The following FGF2 variants were observed in gnomAD, a reference collection of about 807,000 sequenced individuals.
FGF2 encodes basic fibroblast growth factor bFGF.
In FGF2, 13 loss-of-function variants were observed where a neutral mutation model predicts 15.9. That is an observed-to-expected ratio of 0.82 (90% CI 0.53 to 1.30). The LOEUF (loss-of-function observed/expected upper bound fraction) is 1.30, where lower values mean the gene tolerates loss of function less well. FGF2 is among the 50% of genes most tolerant of loss of function. FGF2 has a pLI of 0.00. For missense variants in FGF2, 163 were observed against 196.9 expected, an observed-to-expected ratio of 0.83 and a Z score of 1.03; for synonymous variants, 90 against 78.4, an observed-to-expected ratio of 1.15 and a Z score of -0.78.
At chr4:122,877,161 G>C (rs1726870061) in intron 2 of FGF2, among the ~76,000 whole-genome samples, 1 of 151,178 alleles carries the variant, frequency 6.6e-6, no homozygotes, top group Admixed American at 6.6e-5. Flanking sequence ...GCAGACTGGA[G>C]TGCAGTGGCG....
rs574255088 is a variant in FGF2, at chr4:122,836,978, A to C, written c.178+9626A>C. On this transcript the variant is annotated intron_variant, in intron 1 of 2. Transcript: ENST00000644866. ...TTAAGGAACGCAGACCTGGGAATTC[A>C]TACCTGATTCAGACACTTCAATCCT... 1.4e-3 allele frequency among the ~76,000 whole-genome samples: 218 copies of C among 152,344 alleles called. 1 individual carries two copies. The highest frequency in any genetic ancestry group is 8.3e-3 in the South Asian group (40 of 4,830).
chr4:122,853,003 A>G (rs1232522636), intron 1 of FGF2, among the ~76,000 whole-genome samples: 1 of 152,156 alleles, frequency 6.6e-6, no homozygotes, highest in African/African-American at 2.4e-5. Context: ...CACCATTTAT[A>G]TAACTATTTT....
At chr4:122,866,755 A>G (rs565163078) in intron 1 of FGF2, among the ~76,000 whole-genome samples, 82 of 152,374 alleles carry the variant, frequency 5.4e-4, no homozygotes, top group Non-Finnish European at 1.0e-3. Flanking sequence ...GTAAAGTTGC[A>G]TTGGAAAACA....
chr4:122,836,499 T>C (rs1725868918), intron 1 of FGF2, among the ~76,000 whole-genome samples: 1 of 152,224 alleles, frequency 6.6e-6, no homozygotes. Flanking sequence ...ATTTTAATTT[T>C]ATGTCCCCCA....
intron 1 of FGF2, among the ~76,000 whole-genome samples, chr4:122,861,668 G>A (rs1437666787): frequency 6.6e-6 from 1 of 151,904 alleles, no homozygotes; most frequent in East Asian, 1.9e-4. Context: ...ATTCTTTCAT[G>A]CTATTACACA....
chr4:122,873,179 T>C (rs980834413), intron 1 of FGF2, among the ~76,000 whole-genome samples: 2 of 152,250 alleles, frequency 1.3e-5, no homozygotes, highest in Non-Finnish European at 2.9e-5. Context: ...GCTCTTGAAC[T>C]GTACTCCTGG....
intron 1 of FGF2, among the ~76,000 whole-genome samples, chr4:122,849,740 A>T (rs1057351685): frequency 2.6e-5 from 4 of 152,168 alleles, no homozygotes; most frequent in African/African-American, 9.7e-5. Context: ...GTAGGAGGGA[A>T]TGCTGTCTCT....
intron 1 of FGF2, among the ~76,000 whole-genome samples, chr4:122,856,277 A>G (rs1421959477): frequency 1.3e-5 from 2 of 152,188 alleles, no homozygotes; most frequent in Non-Finnish European, 2.9e-5. Context: ...TGTAAAATCC[A>G]CAAGAGCAGA....
At chr4:122,850,062 G>T (rs192658413) in intron 1 of FGF2, among the ~76,000 whole-genome samples, 1 of 152,288 alleles carries the variant, frequency 6.6e-6, no homozygotes, top group African/African-American at 2.4e-5. Context: ...AGGAGTTTGA[G>T]ACCAGCCTGG....
At chr4:122,839,958 C>T (rs1725943678) in intron 1 of FGF2, among the ~76,000 whole-genome samples, 1 of 152,130 alleles carries the variant, frequency 6.6e-6, no homozygotes, top group African/African-American at 2.4e-5. Context: ...TTGTCGATGG[C>T]CACTCTCTAG....
At chr4:122,856,786 C>G (rs1366215153) in intron 1 of FGF2, among the ~76,000 whole-genome samples, 3 of 152,128 alleles carry the variant, frequency 2.0e-5, no homozygotes, top group Non-Finnish European at 4.4e-5. Context: ...TTGATTCATT[C>G]AAGATACAGA....
chr4:122,833,072 T>G (rs1725795690), intron 1 of FGF2, among the ~76,000 whole-genome samples: 6 of 152,176 alleles, frequency 3.9e-5, no homozygotes, highest in Admixed American at 2.0e-4. Flanking sequence ...CAATATTCAG[T>G]GTTTATGTCT....
At chr4:122,849,621 T>TGAG (rs1216857696) in intron 1 of FGF2, among the ~76,000 whole-genome samples, 7 of 152,100 alleles carry the variant, frequency 4.6e-5, no homozygotes, top group Non-Finnish European at 8.8e-5. Context: ...AGACAAATGT[T>TGAG]CTACTAAATG....
intron 1 of FGF2, among the ~76,000 whole-genome samples, chr4:122,862,394 A>G (rs568774866): frequency 6.6e-6 from 1 of 152,310 alleles, no homozygotes; most frequent in African/African-American, 2.4e-5. Context: ...AATGATGTGG[A>G]TTGTGGAAGA....
chr4:122,872,070 T>C (rs575102334), intron 1 of FGF2, among the ~76,000 whole-genome samples: 35 of 152,102 alleles, frequency 2.3e-4, no homozygotes, highest in Non-Finnish European at 4.3e-4. Flanking sequence ...AATAAAAAAC[T>C]ACGCTGAGCT....
intron 1 of FGF2, among the ~76,000 whole-genome samples, chr4:122,874,813 C>T (rs56252226): frequency 0.02 from 2,977 of 151,944 alleles, 101 homozygotes; most frequent in African/African-American, 0.067. Flanking sequence ...TTTTTCATGC[C>T]GTTTCCCTAG....
At chr4:122,852,284 T>C (rs167428) in intron 1 of FGF2, among the ~76,000 whole-genome samples, 62,913 of 152,084 alleles carry the variant, frequency 0.41, 17,168 homozygotes, top group African/African-American at 0.78. Context: ...ACATGTCCAA[T>C]ACCTTAGCAG....
intron 1 of FGF2, among the ~76,000 whole-genome samples, chr4:122,863,566 A>G (rs3789138): frequency 0.43 from 66,002 of 151,988 alleles, 17,322 homozygotes; most frequent in Non-Finnish European, 0.58. Flanking sequence ...TCTTCTATCT[A>G]TACTCCAAAA....
chr4:122,830,474 T>C (rs948344579), intron 1 of FGF2, among the ~76,000 whole-genome samples: 2 of 152,192 alleles, frequency 1.3e-5, no homozygotes, highest in African/African-American at 2.4e-5. Context: ...AGGGCCCATT[T>C]TCTGGCGTTT....
Sources: gnomAD v4.1 joint callset for allele counts (sites outside exome capture counted in the v4.1 genomes callset) on GRCh38, gnomAD v4.1.1 for gene constraint, MANE v1.5 for transcripts, NCBI Gene and HGNC (gene_info 2026-07-23, HGNC 2026-07-21) for gene names.